GK5: variants seen among roughly 807,000 people sequenced by gnomAD.
The protein encoded by GK5 is ATP:glycerol 3-phosphotransferase 5.
In GK5, 39 loss-of-function variants were observed where a neutral mutation model predicts 77.3. The observed-to-expected ratio is 0.50, with a 90% confidence interval of 0.39 to 0.66. GK5 has a LOEUF of 0.66. GK5 is among the 30% of genes least tolerant of loss of function. GK5 has a pLI of 0.00. For missense variants in GK5, 487 were observed against 633.8 expected, an observed-to-expected ratio of 0.77 and a Z score of 2.49; for synonymous variants, 211 against 208.0, an observed-to-expected ratio of 1.01 and a Z score of -0.13.
At chr3:142,178,565 G>A (rs2063652872) in intron 11 of GK5, among the ~76,000 whole-genome samples, 1 of 152,194 alleles carries the variant, frequency 6.6e-6, no homozygotes, top group Non-Finnish European at 1.5e-5. Flanking sequence ...TCGTACTCGT[G>A]AGATTCATTC....
At chr3:142,216,152 A>T (rs1577152499) in intron 1 of GK5, among the ~76,000 whole-genome samples, 1 of 152,044 alleles carries the variant, frequency 6.6e-6, no homozygotes, top group Non-Finnish European at 1.5e-5. Context: ...TGGACTGGGG[A>T]AGTAGATAAG....
At chr3:142,177,713 T>G (rs2063636282) in intron 11 of GK5, 137 bp from the exon 12 acceptor site, 2 of 624,984 alleles carry the variant, frequency 3.2e-6, no homozygotes, top group Non-Finnish European at 5.7e-6. Flanking sequence ...ATTGCTCACT[T>G]AAAAGGGTCA....
chr3:142,174,074 T>C (rs115876909), intron 12 of GK5, among the ~76,000 whole-genome samples: 203 of 152,188 alleles, frequency 1.3e-3, no homozygotes, highest in Middle Eastern at 3.4e-3. Context: ...TAATCACATA[T>C]TCTGCTTGAT....
chr3:142,215,717 A>G (rs1297830933), intron 1 of GK5, 25 bp from the exon 2 acceptor site: 1 of 1,191,866 alleles, frequency 8.4e-7, no homozygotes, highest in Admixed American at 1.8e-5. Flanking sequence ...AAGATTTAGT[A>G]AAAACAGCAT....
chr3:142,190,908 C>T (rs761110086), intron 5 of GK5, among the ~76,000 whole-genome samples: 9 of 152,194 alleles, frequency 5.9e-5, no homozygotes, highest in Non-Finnish European at 8.8e-5. Context: ...TAACTGTATA[C>T]ACAGAAACAT....
rs1449561690 is a variant in GK5, at chr3:142,157,592, A to C, written c.*8030T>G. On this transcript the variant is annotated 3_prime_UTR_variant, in exon 16 of 16. Coordinates refer to ENST00000392993, the MANE Select transcript of GK5 (RefSeq NM_001039547.3). ...ATTCAGTTCCATTGTAATTTCCCAAATAATTTTAGATTATAATTTTCAGAA... is the reference window on the plus strand; with the variant it reads ...ATTCAGTTCCATTGTAATTTCCCAACTAATTTTAGATTATAATTTTCAGAA... 6.6e-6 allele frequency: 1 copy of C among 152,232 alleles called. No homozygotes were observed. Among genetic ancestry groups the C allele is most frequent in the African/African-American group, 2.4e-5 (1 of 41,462 alleles). 9.4% of individuals were successfully genotyped at this position (152,232 alleles called of 1,614,324 possible).
chr3:142,192,524 G>A (rs2063866223), intron 5 of GK5, among the ~76,000 whole-genome samples: 1 of 152,180 alleles, frequency 6.6e-6, no homozygotes, highest in Admixed American at 6.5e-5. Context: ...AGCAGTTTGG[G>A]AGGCCAAGGC....
At chr3:142,218,005 G>C (rs1027837806) in intron 1 of GK5, among the ~76,000 whole-genome samples, 3 of 151,888 alleles carry the variant, frequency 2.0e-5, no homozygotes, top group Non-Finnish European at 4.4e-5. Context: ...TAAAGTTAGA[G>C]GCACACTACC....
At chr3:142,211,026 C>T (rs1049576341) in intron 3 of GK5, among the ~76,000 whole-genome samples, 7 of 152,258 alleles carry the variant, frequency 4.6e-5, no homozygotes, top group African/African-American at 1.7e-4. Flanking sequence ...GAGCAGGGAC[C>T]CGCAGTCCAA....
rs1468473392 is a variant in GK5, at chr3:142,157,617, A to G, written c.*8005T>C. The G allele has an allele frequency of 6.6e-6, 1 of 152,222 alleles. No individual in the cohort carries two copies. Among genetic ancestry groups the G allele is most frequent in the Admixed American group, 6.5e-5 (1 of 15,282 alleles). The allele number at this position is 152,222 out of a possible 1,614,324, so 9.4% of individuals were successfully genotyped here. A position where few individuals can be genotyped will look rare whatever the true frequency, so the allele number is the denominator to read the frequency against. ...ATAATTTTAGATTATAATTTTCAGAAAGGATTTTTAACATCTGCTAGGCTA... is the reference window on the plus strand; with the variant it reads ...ATAATTTTAGATTATAATTTTCAGAGAGGATTTTTAACATCTGCTAGGCTA... On this transcript the variant is annotated 3_prime_UTR_variant, in exon 16 of 16. Coordinates refer to ENST00000392993, the MANE Select transcript of GK5 (RefSeq NM_001039547.3).
intron 5 of GK5, 53 bp downstream of exon 5, chr3:142,198,749 A>G (rs1028287589): frequency 1.3e-6 from 2 of 1,483,490 alleles, no homozygotes; most frequent in African/African-American, 2.9e-5. Context: ...CATAGTCTTT[A>G]TATGGTTTCC....
chr3:142,186,105 T>A, intron 8 of GK5, 89 bp downstream of exon 8: 1 of 1,158,580 alleles, frequency 8.6e-7, no homozygotes, highest in Non-Finnish European at 1.3e-6. Flanking sequence ...TACAAGTCCT[T>A]CAAACATGTA....
chr3:142,171,098 G>A (rs1052377553), intron 14 of GK5, among the ~76,000 whole-genome samples: 2 of 152,114 alleles, frequency 1.3e-5, no homozygotes, highest in African/African-American at 2.4e-5. Flanking sequence ...GGGCGTGGTG[G>A]TGCATGTCTG....
At chr3:142,182,430 T>C (rs2063709714) in intron 10 of GK5, among the ~76,000 whole-genome samples, 2 of 152,050 alleles carry the variant, frequency 1.3e-5, no homozygotes, top group Admixed American at 6.6e-5. Context: ...CTGCAACCTC[T>C]GCCTCCCCGG....
intron 10 of GK5, 74 bp downstream of exon 10, chr3:142,182,849 A>C: frequency 1.0e-6 from 1 of 995,934 alleles, no homozygotes; most frequent in Non-Finnish European, 1.5e-6. Flanking sequence ...GGAAAATAGT[A>C]TAAGTATCAC....
chr3:142,180,547 G>A (rs903006609), intron 11 of GK5, among the ~76,000 whole-genome samples: 3 of 151,948 alleles, frequency 2.0e-5, no homozygotes, highest in African/African-American at 4.8e-5. Context: ...GGTAATCCAC[G>A]TGCCTCAGCC....
chr3:142,177,706 G>C, intron 11 of GK5, 130 bp from the exon 12 acceptor site: 3 of 640,316 alleles, frequency 4.7e-6, no homozygotes, highest in Non-Finnish European at 8.4e-6. Context: ...GTAAAAGATT[G>C]CTCACTTAAA....
At position 142,185,932 on chromosome 3, in the gene GK5, G is replaced by A. The variant is rs1430598918; in HGVS notation, c.813C>T (p.Ala271=). The A allele has an allele frequency of 6.2e-7, 1 of 1,602,824 alleles. No individual in the cohort carries two copies. Among genetic ancestry groups the A allele is most frequent in the Non-Finnish European group, 8.5e-7 (1 of 1,174,484 alleles). The change falls in exon 9 of 16, where the codon GCC becomes GCT. Residue 271 remains alanine, a synonymous_variant. Coordinates refer to ENST00000392993, the MANE Select transcript of GK5 (RefSeq NM_001039547.3). ...ATCCCTCAAGTTTCCTACTTACCAA[G>A]GCAACTATTGGTATAGGCACACCAA... ...EIFGVPIPIV[A]LVADQQSAMF...
At chr3:142,225,083 C>G (rs2107803355) in intron 1 of GK5, among the ~76,000 whole-genome samples, 1 of 152,290 alleles carries the variant, frequency 6.6e-6, no homozygotes, top group East Asian at 1.9e-4. Flanking sequence ...GCCCCTGGCA[C>G]CCTCAGCCTG....
Sources: gnomAD v4.1 joint callset for allele counts (sites outside exome capture counted in the v4.1 genomes callset) on GRCh38, gnomAD v4.1.1 for gene constraint, MANE v1.5 for transcripts, NCBI Gene and HGNC (gene_info 2026-07-23, HGNC 2026-07-21) for gene names.